Variants in IMMP2L observed in about 807,000 individuals in gnomAD.
IMMP2L encodes mitochondrial inner membrane protease subunit 2.
A neutral mutation model predicts 19.3 loss-of-function variants in IMMP2L; 18 were observed. The observed-to-expected ratio is 0.93, with a 90% confidence interval of 0.64 to 1.38. IMMP2L has a LOEUF of 1.38. IMMP2L is among the 40% of genes most tolerant of loss of function. IMMP2L has a pLI of 0.00. For missense variants in IMMP2L, 233 were observed against 218.2 expected, an observed-to-expected ratio of 1.07 and a Z score of -0.43; for synonymous variants, 76 against 73.0, an observed-to-expected ratio of 1.04 and a Z score of -0.21.
chr7:111,094,642 G>C (rs563588012), intron 3 of IMMP2L, among the ~76,000 whole-genome samples: 1 of 152,224 alleles, frequency 6.6e-6, no homozygotes, highest in South Asian at 2.1e-4. Flanking sequence ...GAGTACTTAG[G>C]AAAGCTTCAC....
chr7:110,789,726 A>G (rs1386029123), intron 5 of IMMP2L, among the ~76,000 whole-genome samples: 7 of 151,364 alleles, frequency 4.6e-5, no homozygotes, highest in South Asian at 2.1e-4. Context: ...CTTATTTCCT[A>G]CCGTCCTCCC....
At chr7:111,507,194 A>G (rs866216144) in intron 2 of IMMP2L, among the ~76,000 whole-genome samples, 22 of 152,206 alleles carry the variant, frequency 1.4e-4, no homozygotes, top group Non-Finnish European at 2.5e-4. Flanking sequence ...ACCCGAGGCT[A>G]TTTCTTATTT....
intron 3 of IMMP2L, among the ~76,000 whole-genome samples, chr7:111,027,191 C>T (rs950452961): frequency 6.6e-6 from 1 of 152,086 alleles, no homozygotes; most frequent in African/African-American, 2.4e-5. Flanking sequence ...ATGGTATAAA[C>T]AAACAACTCA....
chr7:111,392,890 C>A (rs1584929248), intron 3 of IMMP2L: 2 of 454,990 alleles, frequency 4.4e-6, no homozygotes, highest in East Asian at 1.4e-4. Flanking sequence ...AGCATAGTAG[C>A]TTTTGTCCCC....
At chr7:110,866,642 G>A (rs139458060) in intron 5 of IMMP2L, among the ~76,000 whole-genome samples, 170 of 152,104 alleles carry the variant, frequency 1.1e-3, no homozygotes, top group East Asian at 3.5e-3. Flanking sequence ...AGTATTCCAC[G>A]CTTGGAAAAA....
intron 3 of IMMP2L, among the ~76,000 whole-genome samples, chr7:111,175,347 C>T (rs1467346219): frequency 2.0e-5 from 3 of 151,806 alleles, no homozygotes; most frequent in African/African-American, 7.3e-5. Context: ...TTCAATGAGA[C>T]TGTCTATTCT....
chr7:111,185,583 A>T (rs1252256454), intron 3 of IMMP2L, among the ~76,000 whole-genome samples: 5 of 152,156 alleles, frequency 3.3e-5, no homozygotes, highest in Admixed American at 6.6e-5. Flanking sequence ...TGTAAACAAA[A>T]ATTACTGAAG....
chr7:110,782,526 CTT>C (rs930658158), intron 5 of IMMP2L, among the ~76,000 whole-genome samples: 1 of 151,644 alleles, frequency 6.6e-6, no homozygotes, highest in African/African-American at 2.4e-5. Context: ...CTTTTTAAGA[CTT>C]TTTTTGTAAC....
Position 111,366,704 on chromosome 7 carries a change from C to A in IMMP2L, c.239+120534G>T, listed in dbSNP as rs769539616. On this transcript the variant is annotated intron_variant, in intron 3 of 5. Transcript: ENST00000405709. ...TGCGATATTTAGAGGTAAAGGAAGG[C>A]AATAATATCTGAAACTTTCGGAAGA... 1.8e-4 allele frequency among the ~76,000 whole-genome samples: 28 copies of A among 151,824 alleles called. 1 individual carries two copies. The highest frequency in any genetic ancestry group is 3.4e-3 in the Middle Eastern group (1 of 294).
At chr7:111,511,875 T>C (rs1489514936) in intron 2 of IMMP2L, among the ~76,000 whole-genome samples, 1 of 152,064 alleles carries the variant, frequency 6.6e-6, no homozygotes, top group African/African-American at 2.4e-5. Flanking sequence ...ATGGGGCAAG[T>C]AGGCCCTTCA....
chr7:111,161,197 G>A (rs1045107387), intron 3 of IMMP2L, among the ~76,000 whole-genome samples: 4 of 151,790 alleles, frequency 2.6e-5, no homozygotes, highest in Non-Finnish European at 5.9e-5. Context: ...AGAGAATGAG[G>A]GAGAAGGGCA....
chr7:111,345,258 G>A (rs1293504814), intron 3 of IMMP2L, among the ~76,000 whole-genome samples: 2 of 152,030 alleles, frequency 1.3e-5, no homozygotes, highest in East Asian at 3.9e-4. Context: ...CAAGTAGACA[G>A]ATTTTTACAT....
At chr7:111,499,026 C>A (rs1843877076) in intron 2 of IMMP2L, among the ~76,000 whole-genome samples, 4 of 152,140 alleles carry the variant, frequency 2.6e-5, no homozygotes, top group Admixed American at 2.6e-4. Context: ...AAACTTAAAA[C>A]AAAAATCATT....
At chr7:111,218,389 T>C (rs150312630) in intron 3 of IMMP2L, among the ~76,000 whole-genome samples, 8 of 152,262 alleles carry the variant, frequency 5.3e-5, no homozygotes, top group Admixed American at 1.3e-4. Flanking sequence ...CCTATGCTAT[T>C]ATGTTGTATC....
At chr7:111,163,684 T>C (rs947683652) in intron 3 of IMMP2L, among the ~76,000 whole-genome samples, 1 of 152,050 alleles carries the variant, frequency 6.6e-6, no homozygotes, top group Non-Finnish European at 1.5e-5. Flanking sequence ...TGATAGATTT[T>C]CTATAGGTTT....
At chr7:111,195,118 T>C (rs1013382143) in intron 3 of IMMP2L, among the ~76,000 whole-genome samples, 1 of 152,128 alleles carries the variant, frequency 6.6e-6, no homozygotes, top group Non-Finnish European at 1.5e-5. Context: ...GTAAAGTATA[T>C]GAAAGAGGCA....
At chr7:111,551,147 G>T (rs1849415345) in intron 1 of IMMP2L, among the ~76,000 whole-genome samples, 1 of 152,100 alleles carries the variant, frequency 6.6e-6, no homozygotes. Context: ...TTTGCAATGT[G>T]TCCCCCAGCG....
At chr7:110,805,146 A>G (rs1389399041) in intron 5 of IMMP2L, among the ~76,000 whole-genome samples, 1 of 152,132 alleles carries the variant, frequency 6.6e-6, no homozygotes, top group Admixed American at 6.5e-5. Flanking sequence ...GAGTGACTCA[A>G]AAGTCCTACT....
chr7:110,779,349 A>G (rs1799590986), intron 5 of IMMP2L, among the ~76,000 whole-genome samples: 1 of 152,024 alleles, frequency 6.6e-6, no homozygotes, highest in Admixed American at 6.6e-5. Flanking sequence ...AACATCTTCT[A>G]TACCTGAAAA....
Sources: gnomAD v4.1 joint callset for allele counts (sites outside exome capture counted in the v4.1 genomes callset) on GRCh38, gnomAD v4.1.1 for gene constraint, MANE v1.5 for transcripts, NCBI Gene and HGNC (gene_info 2026-07-23, HGNC 2026-07-21) for gene names.